The following CENPP variants were observed in gnomAD, a reference collection of about 807,000 sequenced individuals.
CENPP encodes centromere protein P.
Under a neutral mutation model 35.6 loss-of-function variants are expected in CENPP, and 24 were observed. The observed-to-expected ratio is 0.67, with a 90% CI of 0.49 to 0.95. The LOEUF (loss-of-function observed/expected upper bound fraction) is 0.95, where lower values mean the gene tolerates loss of function less well. CENPP is among the 40% of genes least tolerant of loss of function. The pLI is 0.00. For synonymous variants in CENPP, 120 were observed against 125.5 expected (o/e 0.96, Z 0.29); for missense variants, 332 against 345.3 (o/e 0.96, Z 0.31).
intron 5 of CENPP, among the ~76,000 whole-genome samples, chr9:92,387,344 C>T (rs1171148462): frequency 1.3e-5 from 2 of 150,686 alleles, no homozygotes; most frequent in Admixed American, 6.6e-5. Flanking sequence ...CCACTGCACT[C>T]CAGCCTGGGC....
intron 6 of CENPP, among the ~76,000 whole-genome samples, chr9:92,612,001 T>C (rs1284095255): frequency 2.0e-5 from 3 of 152,236 alleles, no homozygotes; most frequent in Non-Finnish European, 4.4e-5. Flanking sequence ...TCCAGGGTCA[T>C]GAGCAGCTGC....
At chr9:92,383,002 T>G (rs1842298505) in intron 5 of CENPP, among the ~76,000 whole-genome samples, 2 of 151,494 alleles carry the variant, frequency 1.3e-5, no homozygotes, top group South Asian at 4.2e-4. Flanking sequence ...GGTCAAGCGA[T>G]TCTCCTGCCT....
chr9:92,440,632 G>A (rs904827793), intron 5 of CENPP, among the ~76,000 whole-genome samples: 3 of 152,146 alleles, frequency 2.0e-5, no homozygotes, highest in Admixed American at 6.6e-5. Context: ...AAATTGTGAA[G>A]AAGGAAAAAG....
chr9:92,400,836 T>C (rs1843082843), intron 5 of CENPP, among the ~76,000 whole-genome samples: 1 of 152,248 alleles, frequency 6.6e-6, no homozygotes, highest in South Asian at 2.1e-4. Context: ...AGATTTTATA[T>C]GGATGGAAAC....
intron 5 of CENPP, chr9:92,495,563 C>T: frequency 1.0e-6 from 1 of 979,988 alleles, no homozygotes; most frequent in Non-Finnish European, 1.2e-6. Flanking sequence ...ATGTCTTAAT[C>T]TTGAGTGAGG....
chr9:92,325,624 C>T, upstream of CENPP: 1 of 215,012 alleles, frequency 4.7e-6, no homozygotes, highest in Non-Finnish European at 9.5e-6. Context: ...AATAAAGAGG[C>T]GCTCCCCTCC....
intron 5 of CENPP, among the ~76,000 whole-genome samples, chr9:92,524,999 A>G (rs1362365790): frequency 6.6e-6 from 1 of 152,238 alleles, no homozygotes; most frequent in Non-Finnish European, 1.5e-5. Context: ...TAACCCAGTC[A>G]TCTTGTTGGA....
At chr9:92,487,861 T>C (rs1344549871) in intron 5 of CENPP, among the ~76,000 whole-genome samples, 1 of 152,134 alleles carries the variant, frequency 6.6e-6, no homozygotes, top group Non-Finnish European at 1.5e-5. Flanking sequence ...TATAAAACCA[T>C]TAAGTGAAAG....
chr9:92,435,358 C>T (rs536414967), intron 5 of CENPP, among the ~76,000 whole-genome samples: 1 of 152,220 alleles, frequency 6.6e-6, no homozygotes, highest in South Asian at 2.1e-4. Context: ...AATGTTATTT[C>T]AATTTCATTA....
chr9:92,400,415 C>T (rs1023788265), intron 5 of CENPP, among the ~76,000 whole-genome samples: 2 of 152,224 alleles, frequency 1.3e-5, no homozygotes, highest in Non-Finnish European at 2.9e-5. Context: ...TCCCAAAGTA[C>T]TGGGATTACA....
chr9:92,494,050 T>C (rs1846245144), intron 5 of CENPP: 1 of 1,594,712 alleles, frequency 6.3e-7, no homozygotes, highest in South Asian at 1.1e-5. Flanking sequence ...ACTTGCCTGC[T>C]TACTTGTCTG....
rs1843102048 is a variant in CENPP, at chr9:92,401,309, C to T, written c.564+21450C>T. The T allele has an allele frequency of 1.5e-5, 8 of 538,110 alleles. No individual in the cohort carries two copies. In the South Asian group the frequency reaches 1.7e-4, roughly 11 times the overall value. 33.3% of individuals were successfully genotyped at this position (538,110 alleles called of 1,614,324 possible). On this transcript the variant is annotated intron_variant, in intron 5 of 7. Transcript: ENST00000375587. ...GGCATTTCCTTTGTGCTCCATTAGG[C>T]TTTCATACATATTTCCATTTTATCA...
At chr9:92,466,757 G>A (rs530878074) in intron 5 of CENPP, among the ~76,000 whole-genome samples, 3 of 152,304 alleles carry the variant, frequency 2.0e-5, no homozygotes, top group Admixed American at 2.0e-4. Context: ...TTAGAAAAGT[G>A]CAGAGCTATA....
chr9:92,517,889 A>G (rs373132212), intron 5 of CENPP: 15 of 1,613,238 alleles, frequency 9.3e-6, no homozygotes, highest in Middle Eastern at 1.7e-4. Context: ...GAAGAAAACA[A>G]AAGCACAAAT....
chr9:92,561,048 T>C (rs1419416428), intron 5 of CENPP, among the ~76,000 whole-genome samples: 1 of 152,184 alleles, frequency 6.6e-6, no homozygotes, highest in Non-Finnish European at 1.5e-5. Flanking sequence ...TTACCATTCT[T>C]GCTCTCCCTC....
chr9:92,613,221 T>A lies in CENPP; in HGVS notation c.*72T>A. On this transcript the variant is annotated 3_prime_UTR_variant, in exon 8 of 8. Coordinates refer to ENST00000375587, the MANE Select transcript of CENPP (RefSeq NM_001012267.3). ...ATGCAATTTTATTCAATATAAACAT[T>A]TGCTATTTTCTGCTTAGAAACCACA... 1 of 1,593,642 alleles carries A rather than the reference T, an allele frequency of 6.3e-7. No homozygotes were observed. The highest frequency in any genetic ancestry group is 1.1e-5 in the South Asian group (1 of 90,160).
At chr9:92,343,789 T>C (rs1443650347) in intron 3 of CENPP, among the ~76,000 whole-genome samples, 1 of 151,766 alleles carries the variant, frequency 6.6e-6, no homozygotes, top group Non-Finnish European at 1.5e-5. Context: ...CTAAAAAATA[T>C]ATATTTTTTT....
chr9:92,522,505 C>A (rs1277215135), intron 5 of CENPP: 20 of 1,399,678 alleles, frequency 1.4e-5, no homozygotes, highest in Non-Finnish European at 1.8e-5. Context: ...CTCCCTCTCT[C>A]CTTCTCTTTC....
At chr9:92,575,922 A>G (rs1850272914) in intron 5 of CENPP, among the ~76,000 whole-genome samples, 1 of 152,192 alleles carries the variant, frequency 6.6e-6, no homozygotes, top group African/African-American at 2.4e-5. Flanking sequence ...ATAAAATGGT[A>G]CAGCTGCTAT....
Sources: gnomAD v4.1 joint callset for allele counts (sites outside exome capture counted in the v4.1 genomes callset) on GRCh38, gnomAD v4.1.1 for gene constraint, MANE v1.5 for transcripts, NCBI Gene and HGNC (gene_info 2026-07-23, HGNC 2026-07-21) for gene names.